Variants in MCM5 observed in about 807,000 individuals in gnomAD.
MCM5 encodes the protein DNA replication licensing factor MCM5.
A neutral mutation model predicts 79.9 loss-of-function variants in MCM5; 46 were observed. The ratio of observed to expected loss-of-function variants is 0.58; its 90% confidence interval spans 0.45 to 0.74. MCM5 has a LOEUF of 0.74. Among genes scored for constraint, MCM5 ranks in the 30% least tolerant of loss-of-function variants. MCM5 has a pLI of 0.00. For synonymous variants in MCM5, 404 were observed against 390.5 expected (o/e 1.03, Z -0.41); for missense variants, 883 against 1,017.0 (o/e 0.87, Z 1.79).
the MCM5 span, among the ~76,000 whole-genome samples, chr22:35,437,179 G>T: frequency 6.6e-6 from 1 of 152,108 alleles, no homozygotes; most frequent in Non-Finnish European, 1.5e-5. Flanking sequence ...CAGGGCTTAG[G>T]CCTAGGGAAT....
At chr22:35,441,056 A>C in the MCM5 span, among the ~76,000 whole-genome samples, 1 of 108,714 alleles carries the variant, frequency 9.2e-6, no homozygotes, top group Non-Finnish European at 2.2e-5. Flanking sequence ...AAACTCTGTC[A>C]AAAAAAAAAA....
intron 6 of MCM5, 56 bp from the exon 7 acceptor site, chr22:35,410,688 T>C (rs755288282): frequency 1.9e-6 from 3 of 1,551,742 alleles, no homozygotes; most frequent in African/African-American, 2.7e-5. Context: ...AATCAGAGAC[T>C]TGCTGTCCAA....
At position 35,421,409 on chromosome 22, in the gene MCM5, C is replaced by A. The variant is rs142049488; in HGVS notation, c.1924C>A (p.Arg642=). ...AGAGGCAGATGTGGAGGAGGCCCTG[C>A]GGCTCTTCCAAGTGTCCACGTTGGA... The part of the protein sequence containing the change: ...ATEADVEEAL[R]LFQVSTLDAA... Residue 642 remains arginine (R), a synonymous_variant, in exon 15 of 17, where the codon CGG becomes AGG. Coordinates refer to ENST00000216122, the MANE Select transcript of MCM5 (RefSeq NM_006739.4). The A allele has an allele frequency of 9.9e-6, 16 of 1,613,978 alleles. No individual in the cohort carries two copies. The highest frequency in any genetic ancestry group is 1.3e-5 in the African/African-American group (1 of 74,938).
chr22:35,409,206 G>T (rs1310821410), intron 6 of MCM5, among the ~76,000 whole-genome samples: 4 of 152,066 alleles, frequency 2.6e-5, no homozygotes, highest in Non-Finnish European at 5.9e-5. Context: ...CTCATGATCC[G>T]CCCGCCTTGG....
the MCM5 span, among the ~76,000 whole-genome samples, chr22:35,432,849 G>A: frequency 6.6e-6 from 1 of 152,022 alleles, no homozygotes; most frequent in Non-Finnish European, 1.5e-5. Flanking sequence ...AGAGCTGGGA[G>A]GGTAAAAGTT....
chr22:35,441,055 CAAAAAAAAAA>C, the MCM5 span, among the ~76,000 whole-genome samples: 1 of 96,158 alleles, frequency 1.0e-5, no homozygotes, highest in Non-Finnish European at 2.1e-5. Context: ...GAAACTCTGT[CAAAAAAAAAA>C]AAAAAAAAAA....
At chr22:35,439,255 A>G in the MCM5 span, among the ~76,000 whole-genome samples, 1 of 148,004 alleles carries the variant, frequency 6.8e-6, no homozygotes, top group Admixed American at 6.7e-5. Context: ...ACCCACCCAC[A>G]TATTTATCCA....
At chr22:35,421,208 C>T (rs1443491415) in intron 14 of MCM5, 110 bp from the exon 15 acceptor site, 15 of 1,082,268 alleles carry the variant, frequency 1.4e-5, no homozygotes, top group African/African-American at 1.2e-4. Context: ...ACCTAGCAGT[C>T]TCCACCACAG....
At chr22:35,404,520 A>G (rs1224284676) in intron 4 of MCM5, among the ~76,000 whole-genome samples, 5 of 121,996 alleles carry the variant, frequency 4.1e-5, no homozygotes, top group Non-Finnish European at 7.5e-5. Flanking sequence ...AGTTAGATGC[A>G]AAGGCCTGAC....
At chr22:35,405,327 T>C (rs1053413208) in intron 4 of MCM5, among the ~76,000 whole-genome samples, 13 of 151,972 alleles carry the variant, frequency 8.6e-5, no homozygotes, top group Middle Eastern at 3.2e-3. Flanking sequence ...ATACATCATA[T>C]AATTTGATCT....
the MCM5 span, among the ~76,000 whole-genome samples, chr22:35,445,595 T>G: frequency 7.9e-5 from 12 of 151,960 alleles, no homozygotes; most frequent in Non-Finnish European, 8.8e-5. Flanking sequence ...CTGCAAGCTC[T>G]GCCTCCTGGG....
At chr22:35,413,296 G>A (rs908383685) in intron 8 of MCM5, among the ~76,000 whole-genome samples, 5 of 152,098 alleles carry the variant, frequency 3.3e-5, no homozygotes, top group African/African-American at 7.2e-5. Flanking sequence ...CGCCCGCCTC[G>A]GCCTCCCAAA....
At chr22:35,416,853 C>T (rs1932559615) in intron 12 of MCM5, 39 bp downstream of exon 12, 4 of 1,601,332 alleles carry the variant, frequency 2.5e-6, no homozygotes, top group Admixed American at 1.7e-5. Context: ...TGGGACCTGC[C>T]TCCAGGCAGG....
chr22:35,400,828 T>C (rs1932024128), intron 2 of MCM5, among the ~76,000 whole-genome samples: 2 of 152,210 alleles, frequency 1.3e-5, no homozygotes, highest in Non-Finnish European at 2.9e-5. Flanking sequence ...AACGTATTTG[T>C]TTATTATTTT....
chr22:35,403,170 A>G (rs1042789742), intron 2 of MCM5, 37 bp from the exon 3 acceptor site: 2 of 1,609,644 alleles, frequency 1.2e-6, no homozygotes, highest in South Asian at 1.1e-5. Context: ...TCTTCTTTGC[A>G]CCCTTCCTGC....
chr22:35,406,947 C>G (rs1932235350), intron 5 of MCM5, among the ~76,000 whole-genome samples: 1 of 152,184 alleles, frequency 6.6e-6, no homozygotes, highest in Non-Finnish European at 1.5e-5. Flanking sequence ...ACCAGGATAC[C>G]CAGACAGCGT....
Position 35,421,374 on chromosome 22 carries a change from C to T in MCM5, c.1889C>T (p.Pro630Leu). ...AEALSKMKLQ[P>L]FATEADVEEA... ...GCCCTCAGCAAGATGAAGCTGCAGC[C>T]CTTCGCCACAGAGGCAGATGTGGAG... The change falls in exon 15 of 17, where the codon CCC (proline) becomes CTC (leucine). Residue 630 changes from proline (P) to leucine (L), a missense_variant. Around this residue, in one of 3 missense-constraint regions of MCM5, gnomAD observed 426 missense variants for 482.3 expected, o/e 0.88. Coordinates refer to ENST00000216122, the MANE Select transcript of MCM5 (RefSeq NM_006739.4). The T allele has an allele frequency of 6.2e-7, 1 of 1,614,104 alleles. No homozygotes were observed. Among genetic ancestry groups the T allele is most frequent in the Non-Finnish European group, 8.5e-7 (1 of 1,180,030 alleles).
At chr22:35,447,002 C>T in the MCM5 span, among the ~76,000 whole-genome samples, 2 of 152,206 alleles carry the variant, frequency 1.3e-5, no homozygotes, top group Non-Finnish European at 2.9e-5. Context: ...TGCTCTGCCC[C>T]GACTCCGGGC....
At chr22:35,415,728 G>A (rs1052994188) in intron 9 of MCM5, 101 bp from the exon 10 acceptor site, 14 of 1,337,724 alleles carry the variant, frequency 1.0e-5, no homozygotes, top group East Asian at 6.9e-5. Flanking sequence ...CAGCTTTGAT[G>A]TGTGACCTTG....
Sources: allele counts gnomAD v4.1 joint callset (sites outside exome capture counted in the v4.1 genomes callset), GRCh38; gene constraint gnomAD v4.1.1; regional missense constraint gnomAD v4.1.1; transcripts MANE v1.5; gene names NCBI Gene and HGNC (gene_info 2026-07-23, HGNC 2026-07-21).